PHF14: variants seen among roughly 807,000 people sequenced by gnomAD.
PHF14 encodes PHD finger protein 14.
Under a neutral mutation model 117.9 loss-of-function variants are expected in PHF14, and 55 were observed. That is an observed-to-expected ratio of 0.47 (90% CI 0.38 to 0.58). The LOEUF is 0.58. Ranked by LOEUF, PHF14 falls within the 20% of genes least tolerant of loss-of-function variation. PHF14 has a pLI of 0.00. For synonymous variants in PHF14, 409 were observed against 368.6 expected (o/e 1.11, Z -1.26); for missense variants, 978 against 1,122.2 (o/e 0.87, Z 1.84).
chr7:11,034,532 T>A (rs1784242082), intron 7 of PHF14, among the ~76,000 whole-genome samples: 1 of 142,958 alleles, frequency 7.0e-6, no homozygotes, highest in Non-Finnish European at 1.5e-5. Flanking sequence ...TAGAATTTCT[T>A]AATTCTATTT....
chr7:11,106,350 A>C, intron 16 of PHF14: 1 of 980,746 alleles, frequency 1.0e-6, no homozygotes, highest in Non-Finnish European at 1.2e-6. Context: ...AGTGGTATTA[A>C]TGAAATAGGT....
At chr7:11,087,204 T>A (rs1054147799) in intron 16 of PHF14, among the ~76,000 whole-genome samples, 5 of 151,766 alleles carry the variant, frequency 3.3e-5, no homozygotes, top group Non-Finnish European at 7.4e-5. Context: ...TTTCTTTTTT[T>A]TTGTTAAGAT....
At chr7:11,048,707 A>G (rs1371796932) in intron 13 of PHF14, among the ~76,000 whole-genome samples, 1 of 152,260 alleles carries the variant, frequency 6.6e-6, no homozygotes, top group Admixed American at 6.5e-5. Flanking sequence ...AAGGATATTT[A>G]TAAGATGAAG....
intron 14 of PHF14, 94 bp from the exon 15 acceptor site, chr7:11,061,697 A>G: frequency 1.0e-6 from 1 of 961,082 alleles, no homozygotes; most frequent in Non-Finnish European, 1.4e-6. Flanking sequence ...CCTAAGCAAT[A>G]ACATTTAACA....
intron 16 of PHF14, chr7:11,104,992 C>T (rs1004249702): frequency 4.4e-6 from 4 of 904,376 alleles, no homozygotes; most frequent in Non-Finnish European, 5.3e-6. Flanking sequence ...GTAATTTCAT[C>T]TGCAACACAT....
At chr7:11,110,547 A>G in intron 16 of PHF14, 1 of 978,866 alleles carries the variant, frequency 1.0e-6, no homozygotes, top group Non-Finnish European at 1.2e-6. Context: ...TGAAACGAAG[A>G]ATAGGTATGA....
chr7:11,102,585 C>T (rs1425545396), intron 16 of PHF14: 16 of 1,593,016 alleles, frequency 1.0e-5, no homozygotes, highest in African/African-American at 5.4e-5. Context: ...ATTAAACTCT[C>T]GATAGAGTAC....
chr7:11,017,081 T>A (rs1783559705), intron 5 of PHF14, among the ~76,000 whole-genome samples: 1 of 152,230 alleles, frequency 6.6e-6, no homozygotes, highest in African/African-American at 2.4e-5. Context: ...TGACTGGCTC[T>A]CATTCTTTTT....
chr7:11,045,958 C>T (rs1265037318), intron 13 of PHF14, among the ~76,000 whole-genome samples: 2 of 152,116 alleles, frequency 1.3e-5, no homozygotes, highest in African/African-American at 4.8e-5. Flanking sequence ...TTGAATTATG[C>T]TCTGCTGCCC....
At chr7:11,135,472 A>G (rs1191756415) in intron 17 of PHF14, among the ~76,000 whole-genome samples, 7 of 152,128 alleles carry the variant, frequency 4.6e-5, no homozygotes, top group Non-Finnish European at 1.0e-4. Flanking sequence ...TCATTTCTTT[A>G]TTTGAAGACC....
chr7:11,037,507 C>CTA (rs1784352648), intron 10 of PHF14, among the ~76,000 whole-genome samples: 2 of 152,232 alleles, frequency 1.3e-5, no homozygotes, highest in South Asian at 2.1e-4. Context: ...ATAAACATTG[C>CTA]TATAGAGCTT....
Position 11,038,473 on chromosome 7 carries a change from CATGG to C in PHF14, c.1981-286_1981-283del. Among the ~76,000 whole-genome samples the C allele has an allele frequency of 1.4e-5, 2 of 147,334 alleles. 1 individual carries two copies. The highest frequency in any genetic ancestry group is 5.0e-5 in the African/African-American group (2 of 39,882). Reference sequence around the variant, plus strand: ...AATAGATCGAGACCATCCTGGCCAACATGGTGAAACCCTGTCTCTACTAAAAATA... The same window carrying C: ...AATAGATCGAGACCATCCTGGCCAACTGAAACCCTGTCTCTACTAAAAATA... On this transcript the variant is annotated intron_variant, in intron 10 of 17. Coordinates refer to ENST00000634607, the MANE Select transcript of PHF14 (RefSeq NM_001007157.2).
chr7:11,067,890 C>A (rs986634212), intron 16 of PHF14, among the ~76,000 whole-genome samples: 1 of 151,984 alleles, frequency 6.6e-6, no homozygotes, highest in African/African-American at 2.4e-5. Flanking sequence ...TAGAACACAC[C>A]CCTGAGGAGG....
At chr7:10,977,575 G>A (rs1339095469) in intron 2 of PHF14, among the ~76,000 whole-genome samples, 1 of 152,076 alleles carries the variant, frequency 6.6e-6, no homozygotes, top group Non-Finnish European at 1.5e-5. Context: ...AAGTGATTAC[G>A]AGCCTGTACC....
chr7:11,020,607 G>C (rs1583375718), intron 5 of PHF14, among the ~76,000 whole-genome samples: 1 of 152,150 alleles, frequency 6.6e-6, no homozygotes, highest in African/African-American at 2.4e-5. Context: ...TCAAACTCCT[G>C]AGCTTAAGTG....
intron 16 of PHF14, chr7:11,063,095 G>T: frequency 1.1e-6 from 1 of 911,458 alleles, no homozygotes; most frequent in Non-Finnish European, 1.3e-6. Context: ...TCAAAGAAAG[G>T]CATGAAGTCT....
intron 16 of PHF14, among the ~76,000 whole-genome samples, chr7:11,089,322 A>G (rs752579689): frequency 1.3e-5 from 2 of 152,228 alleles, no homozygotes; most frequent in Non-Finnish European, 2.9e-5. Flanking sequence ...TTGAGGCACA[A>G]ACAATTCATT....
chr7:11,115,983 C>T (rs1787591521), intron 17 of PHF14, among the ~76,000 whole-genome samples: 1 of 151,934 alleles, frequency 6.6e-6, no homozygotes, highest in South Asian at 2.1e-4. Flanking sequence ...GATGTTATAT[C>T]TTAGGAGTTG....
intron 16 of PHF14, among the ~76,000 whole-genome samples, chr7:11,074,030 C>T (rs1320288768): frequency 3.3e-5 from 5 of 152,044 alleles, no homozygotes; most frequent in African/African-American, 1.2e-4. Context: ...TTCTCTTAGA[C>T]CTCTGGGCCT....
Sources: gnomAD v4.1 joint callset for allele counts (sites outside exome capture counted in the v4.1 genomes callset) on GRCh38, gnomAD v4.1.1 for gene constraint, MANE v1.5 for transcripts, NCBI Gene and HGNC (gene_info 2026-07-23, HGNC 2026-07-21) for gene names.